MACROD2: variants seen among roughly 807,000 people sequenced by gnomAD.
MACROD2 encodes ADP-ribose glycohydrolase MACROD2.
Under a neutral mutation model 70.4 loss-of-function variants are expected in MACROD2, and 36 were observed. The observed-to-expected ratio is 0.51, with a 90% CI of 0.39 to 0.68. The LOEUF (loss-of-function observed/expected upper bound fraction) is 0.68, where lower values mean the gene tolerates loss of function less well. Among genes scored for constraint, MACROD2 ranks in the 30% least tolerant of loss-of-function variants. The probability of loss-of-function intolerance (pLI) is 0.00; values close to 1 mark genes in which losing one functional copy is unlikely to be tolerated. For missense variants in MACROD2, 496 were observed against 538.4 expected (o/e 0.92, Z 0.78); for synonymous variants, 172 against 178.8 (o/e 0.96, Z 0.30).
chr20:15,962,474 C>T (rs116215755), intron 12 of MACROD2, among the ~76,000 whole-genome samples: 2,747 of 152,268 alleles, frequency 0.018, 83 homozygotes, highest in African/African-American at 0.063. Flanking sequence ...TTTTCAATAA[C>T]AACTTGCAGA....
chr20:14,669,555 A>C (rs2070772627), intron 4 of MACROD2, among the ~76,000 whole-genome samples: 1 of 152,150 alleles, frequency 6.6e-6, no homozygotes, highest in African/African-American at 2.4e-5. Context: ...AACACGATTG[A>C]AGTTTAAAAG....
rs527682146 is a variant in MACROD2, at chr20:14,028,676, G to T, written c.163+26272G>T. Among the ~76,000 whole-genome samples the T allele has an allele frequency of 2.0e-5, 3 of 152,240 alleles. No homozygotes were observed. In the South Asian group the frequency reaches 6.2e-4, roughly 32 times the overall value. ...CATGGCTTCCCTTGGCTAGGGAAGG[G>T]AGTTCTCCGACCCCTTGTGCTTTCT... On this transcript the variant is annotated intron_variant, in intron 2 of 17. Transcript: ENST00000684519.
intron 5 of MACROD2, among the ~76,000 whole-genome samples, chr20:14,780,753 G>A (rs1467005297): frequency 6.6e-6 from 1 of 152,004 alleles, no homozygotes; most frequent in African/African-American, 2.4e-5. Flanking sequence ...AGATAACAGA[G>A]AGGAATGAGA....
At chr20:14,755,849 G>T (rs956633871) in intron 5 of MACROD2, among the ~76,000 whole-genome samples, 11 of 152,034 alleles carry the variant, frequency 7.2e-5, no homozygotes, top group Middle Eastern at 3.4e-3. Flanking sequence ...AACCCAAATT[G>T]TCCATATTCT....
chr20:15,360,157 T>A (rs2078335162), intron 6 of MACROD2, among the ~76,000 whole-genome samples: 4 of 152,214 alleles, frequency 2.6e-5, no homozygotes, highest in Admixed American at 2.6e-4. Flanking sequence ...GACAGAGAGA[T>A]CCATCCAAGA....
chr20:15,699,895 G>T (rs980445057), intron 8 of MACROD2, among the ~76,000 whole-genome samples: 1 of 152,114 alleles, frequency 6.6e-6, no homozygotes, highest in Non-Finnish European at 1.5e-5. Context: ...GCAGGAATGG[G>T]CTGCTTGGGG....
intron 4 of MACROD2, among the ~76,000 whole-genome samples, chr20:14,579,049 A>G (rs542544951): frequency 1.4e-5 from 2 of 142,236 alleles, no homozygotes; most frequent in Admixed American, 7.0e-5. Flanking sequence ...ATTTCATTCT[A>G]TTTTAATTCA....
At chr20:14,936,046 T>A (rs2074337841) in intron 5 of MACROD2, among the ~76,000 whole-genome samples, 1 of 152,172 alleles carries the variant, frequency 6.6e-6, no homozygotes, top group Non-Finnish European at 1.5e-5. Flanking sequence ...CTGAGGTCTT[T>A]GCCCTCTTGT....
At chr20:14,547,892 A>G (rs1457202921) in intron 4 of MACROD2, among the ~76,000 whole-genome samples, 1 of 152,102 alleles carries the variant, frequency 6.6e-6, no homozygotes, top group Admixed American at 6.6e-5. Flanking sequence ...ATCATCCTGC[A>G]GTCTCGTGTG....
At chr20:14,960,229 T>C (rs2074571564) in intron 5 of MACROD2, among the ~76,000 whole-genome samples, 1 of 152,170 alleles carries the variant, frequency 6.6e-6, no homozygotes, top group Admixed American at 6.5e-5. Context: ...TCTTCTTCCC[T>C]CCTCAGCCAG....
At chr20:14,284,585 G>A (rs1287511606) in intron 3 of MACROD2, among the ~76,000 whole-genome samples, 1 of 152,208 alleles carries the variant, frequency 6.6e-6, no homozygotes, top group Non-Finnish European at 1.5e-5. Flanking sequence ...TCATTAAGAT[G>A]GGTTGCCAGA....
chr20:15,859,509 A>C (rs74703423), intron 8 of MACROD2, among the ~76,000 whole-genome samples: 4,689 of 152,306 alleles, frequency 0.031, 154 homozygotes, highest in East Asian at 0.14. Flanking sequence ...CCCATGGTGC[A>C]TTCATAAACA....
chr20:15,932,214 T>A (rs1227468923), intron 10 of MACROD2, among the ~76,000 whole-genome samples: 1 of 152,128 alleles, frequency 6.6e-6, no homozygotes, highest in Non-Finnish European at 1.5e-5. Context: ...TTTCTCCCTC[T>A]CTCCATGTGT....
Position 14,547,481 on chromosome 20 carries a change from G to A in MACROD2, c.301+53973G>A, listed in dbSNP as rs774237405. ...GCTTCAGTCAACTGAGCTGCAAATCGAGTCTGGCTAGGTGTTGGATGGTAG... is the reference window on the plus strand; with the variant it reads ...GCTTCAGTCAACTGAGCTGCAAATCAAGTCTGGCTAGGTGTTGGATGGTAG... On this transcript the variant is annotated intron_variant, in intron 4 of 17. Coordinates refer to ENST00000684519, the MANE Select transcript of MACROD2 (RefSeq NM_001351661.2). 2.0e-3 allele frequency: 367 copies of A among 180,628 alleles called. 7 individuals are homozygous for A. The highest frequency in any genetic ancestry group is 2.3e-4 in the Non-Finnish European group (18 of 78,658). The allele number at this position is 180,628 out of a possible 1,614,324, so 11.2% of individuals were successfully genotyped here.
intron 5 of MACROD2, chr20:14,849,831 A>G: frequency 2.7e-6 from 1 of 376,790 alleles, no homozygotes; most frequent in Admixed American, 3.6e-5. Context: ...GAGCAAGAGC[A>G]GACTGTAGCA....
intron 4 of MACROD2, among the ~76,000 whole-genome samples, chr20:14,580,724 C>T (rs1980959303): frequency 6.6e-6 from 1 of 152,146 alleles, no homozygotes; most frequent in Non-Finnish European, 1.5e-5. Flanking sequence ...TACTTTTCTA[C>T]CAAAGAAAGG....
chr20:14,848,099 C>G (rs575976208), intron 5 of MACROD2, among the ~76,000 whole-genome samples: 1 of 152,282 alleles, frequency 6.6e-6, no homozygotes, highest in Admixed American at 6.5e-5. Context: ...CAGCTAAGAC[C>G]AGAGCTTTTA....
At chr20:14,416,672 T>C (rs932930938) in intron 3 of MACROD2, among the ~76,000 whole-genome samples, 2 of 152,210 alleles carry the variant, frequency 1.3e-5, no homozygotes, top group Non-Finnish European at 1.5e-5. Flanking sequence ...CCTTTCTTCC[T>C]TCATGTTTCA....
At chr20:15,941,103 G>A (rs2065745399) in intron 12 of MACROD2, among the ~76,000 whole-genome samples, 1 of 152,056 alleles carries the variant, frequency 6.6e-6, no homozygotes, top group African/African-American at 2.4e-5. Context: ...CTTATGCCAG[G>A]ATCCATGTTT....
Sources: gnomAD v4.1 joint callset for allele counts (sites outside exome capture counted in the v4.1 genomes callset) on GRCh38, gnomAD v4.1.1 for gene constraint, MANE v1.5 for transcripts, NCBI Gene and HGNC (gene_info 2026-07-23, HGNC 2026-07-21) for gene names.